Variants in EFL1 observed in about 807,000 individuals in gnomAD.
EFL1 encodes elongation factor-like GTPase 1.
EFL1 carries 76 observed loss-of-function variants against 126.7 expected under a neutral mutation model. The ratio of observed to expected loss-of-function variants is 0.60; its 90% CI spans 0.50 to 0.73. The LOEUF is 0.73. Ranked by LOEUF, EFL1 falls within the 30% of genes least tolerant of loss-of-function variation. The pLI, the probability that EFL1 is intolerant of heterozygous loss-of-function variation, is 0.00. For synonymous variants in EFL1, 410 were observed against 448.4 expected (o/e 0.91, Z 1.08); for missense variants, 1,128 against 1,343.2 (o/e 0.84, Z 2.50).
intron 15 of EFL1, among the ~76,000 whole-genome samples, chr15:82,180,955 T>C (rs1351040919): frequency 1.3e-5 from 2 of 152,156 alleles, no homozygotes; most frequent in Admixed American, 6.5e-5. Context: ...CTCGAACTTC[T>C]GGGCTCAAGC....
In EFL1 at chr15:82,241,262, T is replaced by C. The variant is rs1439946637; in HGVS notation, c.378+8A>G. 5.0e-6 allele frequency: 8 copies of C among 1,613,716 alleles called. No individual in the cohort carries two copies. The South Asian group carries it at 8.8e-5, about 18-fold the overall frequency. ...CCATTTAAGTATTTTCTCATCACAATCCATTACCTGTGGACAGACTCCTTC... is the reference window on the plus strand; with the variant it reads ...CCATTTAAGTATTTTCTCATCACAACCCATTACCTGTGGACAGACTCCTTC... On this transcript the variant is annotated splice_region_variant and intron_variant, in intron 5 of 19. Coordinates refer to ENST00000268206, the MANE Select transcript of EFL1 (RefSeq NM_024580.6).
intron 15 of EFL1, among the ~76,000 whole-genome samples, chr15:82,208,038 C>T (rs186422615): frequency 2.6e-5 from 4 of 152,176 alleles, no homozygotes; most frequent in Admixed American, 6.5e-5. Context: ...CATTTTCAAA[C>T]GGACCAGTAT....
chr15:82,171,470 C>T (rs1427327031), intron 15 of EFL1, among the ~76,000 whole-genome samples: 1 of 152,040 alleles, frequency 6.6e-6, no homozygotes, highest in African/African-American at 2.4e-5. Context: ...CAGGCCTATT[C>T]GGTAAACAGC....
chr15:82,252,562 A>G, intron 4 of EFL1, 129 bp downstream of exon 4: 3 of 726,720 alleles, frequency 4.1e-6, no homozygotes, highest in East Asian at 2.7e-5. Flanking sequence ...ACAACAGATC[A>G]TGTGGAGAGG....
At chr15:82,192,608 T>C (rs543417072) in intron 15 of EFL1, among the ~76,000 whole-genome samples, 25 of 152,266 alleles carry the variant, frequency 1.6e-4, no homozygotes, top group Admixed American at 1.2e-3. Context: ...TAATAAACAT[T>C]ACATTATTTG....
At chr15:82,227,256 A>G (rs2074773425) in intron 11 of EFL1, among the ~76,000 whole-genome samples, 194 bp downstream of exon 11, 1 of 152,254 alleles carries the variant, frequency 6.6e-6, no homozygotes, top group Non-Finnish European at 1.5e-5. Context: ...AATGGCTGTA[A>G]CAAGAAAACC....
At chr15:82,199,761 G>T (rs1238587040) in intron 15 of EFL1, among the ~76,000 whole-genome samples, 1 of 152,194 alleles carries the variant, frequency 6.6e-6, no homozygotes, top group Non-Finnish European at 1.5e-5. Flanking sequence ...AAGGCAACTT[G>T]CTTAGCTTTT....
intron 15 of EFL1, among the ~76,000 whole-genome samples, chr15:82,177,987 C>T (rs1157117083): frequency 6.6e-6 from 1 of 152,092 alleles, no homozygotes. Context: ...AATAAAGACC[C>T]CAAAAATACT....
chr15:82,138,908 A>G, intron 18 of EFL1, 66 bp from the exon 19 acceptor site: 2 of 1,446,040 alleles, frequency 1.4e-6, no homozygotes, highest in South Asian at 2.5e-5. Flanking sequence ...CCAAGACATG[A>G]TTACCCATAT....
At chr15:82,147,352 A>G (rs1422297274) in intron 18 of EFL1, among the ~76,000 whole-genome samples, 1 of 152,116 alleles carries the variant, frequency 6.6e-6, no homozygotes, top group Non-Finnish European at 1.5e-5. Flanking sequence ...CATTTTGGCC[A>G]GATGTGGTGA....
intron 18 of EFL1, among the ~76,000 whole-genome samples, chr15:82,141,190 G>A (rs1474859306): frequency 1.3e-5 from 2 of 151,996 alleles, no homozygotes; most frequent in East Asian, 1.9e-4. Flanking sequence ...TTTGGTACCC[G>A]GAAATGAAAA....
intron 17 of EFL1, among the ~76,000 whole-genome samples, chr15:82,155,410 G>A (rs577315743): frequency 6.6e-6 from 1 of 152,176 alleles, no homozygotes; most frequent in East Asian, 1.9e-4. Context: ...GCCGAGGCAG[G>A]AGAATTGCCT....
At chr15:82,143,973 G>A (rs1210638537) in intron 18 of EFL1, among the ~76,000 whole-genome samples, 1 of 152,158 alleles carries the variant, frequency 6.6e-6, no homozygotes. Context: ...TGGGACTATA[G>A]GCATACGCTC....
At chr15:82,212,706 T>C (rs2074602884) in intron 15 of EFL1, among the ~76,000 whole-genome samples, 1 of 152,302 alleles carries the variant, frequency 6.6e-6, no homozygotes, top group South Asian at 2.1e-4. Context: ...GCCAAGAGTG[T>C]GGACTGGCTA....
intron 18 of EFL1, among the ~76,000 whole-genome samples, chr15:82,141,509 A>G (rs560633217): frequency 1.3e-5 from 2 of 152,172 alleles, no homozygotes; most frequent in South Asian, 2.1e-4. Flanking sequence ...CGCCACTAAC[A>G]CTACAAAAAT....
At chr15:82,208,063 T>C (rs996185452) in intron 15 of EFL1, among the ~76,000 whole-genome samples, 3 of 152,200 alleles carry the variant, frequency 2.0e-5, no homozygotes, top group African/African-American at 7.2e-5. Flanking sequence ...GTTTACACTA[T>C]ACTGAAAGTC....
At chr15:82,160,772 T>C (rs2074015122) in intron 16 of EFL1, among the ~76,000 whole-genome samples, 1 of 152,214 alleles carries the variant, frequency 6.6e-6, no homozygotes, top group Non-Finnish European at 1.5e-5. Flanking sequence ...GGCAGTGATC[T>C]GAATTCTGAC....
chr15:82,235,376 C>T (rs2074862598), intron 7 of EFL1, among the ~76,000 whole-genome samples: 1 of 151,998 alleles, frequency 6.6e-6, no homozygotes, highest in East Asian at 1.9e-4. Flanking sequence ...CATCTATGTA[C>T]AAATAACTTT....
chr15:82,227,624 G>A, intron 10 of EFL1, 52 bp from the exon 11 acceptor site: 4 of 1,612,012 alleles, frequency 2.5e-6, no homozygotes, highest in Non-Finnish European at 2.5e-6. Flanking sequence ...CTCCCACCAA[G>A]GCGAAGATTC....
Sources: gnomAD v4.1 joint callset for allele counts (sites outside exome capture counted in the v4.1 genomes callset) on GRCh38, gnomAD v4.1.1 for gene constraint, MANE v1.5 for transcripts, NCBI Gene and HGNC (gene_info 2026-07-23, HGNC 2026-07-21) for gene names.